PAK4: variants seen among roughly 807,000 people sequenced by gnomAD.
PAK4 encodes serine/threonine-protein kinase PAK 4.
A neutral mutation model predicts 53.5 loss-of-function variants in PAK4; 49 were observed. The ratio of observed to expected loss-of-function variants is 0.92; its 90% CI spans 0.73 to 1.16. PAK4 has a LOEUF of 1.16. PAK4 is among the 50% of genes most tolerant of loss of function. PAK4 has a pLI of 0.00. For missense variants in PAK4, 824 were observed against 850.7 expected, an observed-to-expected ratio of 0.97 and a Z score of 0.39; for synonymous variants, 376 against 375.6, an observed-to-expected ratio of 1.00 and a Z score of -0.01.
At chr19:39,133,720 C>T (rs998167348) in intron 1 of PAK4, among the ~76,000 whole-genome samples, 10 of 152,308 alleles carry the variant, frequency 6.6e-5, no homozygotes, top group South Asian at 2.1e-4. Flanking sequence ...GAGAGCTCCC[C>T]GTCCCAGACC....
chr19:39,170,968 G>T (rs2074467634), intron 2 of PAK4, among the ~76,000 whole-genome samples: 1 of 152,230 alleles, frequency 6.6e-6, no homozygotes, highest in Admixed American at 6.5e-5. Context: ...TCCACGCCCT[G>T]CCTGGCTCTG....
chr19:39,160,176 C>T (rs2074260965), intron 1 of PAK4, among the ~76,000 whole-genome samples: 1 of 152,214 alleles, frequency 6.6e-6, no homozygotes, highest in Non-Finnish European at 1.5e-5. Flanking sequence ...GCGTCAAGGT[C>T]AGACTTCCAG....
intron 1 of PAK4, among the ~76,000 whole-genome samples, chr19:39,131,951 C>A (rs1262795825): frequency 6.6e-6 from 1 of 152,190 alleles, no homozygotes; most frequent in African/African-American, 2.4e-5. Context: ...TCGTGCTTAG[C>A]CCGATGCTCA....
chr19:39,181,986 C>T (rs551584792), downstream of PAK4: 1 of 152,350 alleles, frequency 6.6e-6, no homozygotes, highest in East Asian at 1.9e-4. Context: ...CTGTGTGCCA[C>T]CCCAGCTGCA....
Position 39,178,405 on chromosome 19 carries a change from C to A in PAK4, c.1621-19C>A. 1.9e-6 allele frequency: 3 copies of A among 1,569,572 alleles called. No homozygotes were observed. The highest frequency in any genetic ancestry group is 4.8e-5 in the East Asian group (2 of 42,082). On this transcript the variant is annotated intron_variant, in intron 8 of 8. Transcript: ENST00000358301. This position sits in a 1 kb window ranked among gnomAD's most constrained non-coding sequence, Gnocchi z 4.4. Reference sequence around the variant, plus strand: ...CAGTGGGGAGCCTCGCCCCCTGACCCTCCCCTCCTTCTCGACAGGTGTCGC... The same window carrying A: ...CAGTGGGGAGCCTCGCCCCCTGACCATCCCCTCCTTCTCGACAGGTGTCGC...
In PAK4 at chr19:39,178,671, G is replaced by A; in HGVS notation, c.*92G>A. ...GGGGCCAGGCCTCCCACTCCTCCCA[G>A]CCCGGGAGATGCTCCGCGTGGCACC... On this transcript the variant is annotated 3_prime_UTR_variant, in exon 9 of 9. Transcript: ENST00000358301. This position sits in a 1 kb window ranked among gnomAD's most constrained non-coding sequence, Gnocchi z 4.4. 2.5e-6 allele frequency: 3 copies of A among 1,197,034 alleles called. No homozygotes were observed. 74.2% of individuals were successfully genotyped at this position (1,197,034 alleles called of 1,614,324 possible).
chr19:39,135,906 C>T (rs917208954), intron 1 of PAK4, among the ~76,000 whole-genome samples: 5 of 151,662 alleles, frequency 3.3e-5, no homozygotes, highest in Non-Finnish European at 7.4e-5. Flanking sequence ...CTTGCCCCCC[C>T]GCCACATCCA....
chr19:39,169,465 G>A, intron 1 of PAK4, 67 bp from the exon 3 acceptor site: 1 of 1,165,188 alleles, frequency 8.6e-7, no homozygotes, highest in South Asian at 1.3e-5. Context: ...GGGAGGGACA[G>A]AGCAGGGGCA....
chr19:39,171,575 G>A (rs1193629332), intron 2 of PAK4, among the ~76,000 whole-genome samples: 2 of 152,210 alleles, frequency 1.3e-5, no homozygotes, highest in Non-Finnish European at 2.9e-5. Flanking sequence ...GGCAAGGCCC[G>A]GCTTCAGGCA....
intron 1 of PAK4, among the ~76,000 whole-genome samples, chr19:39,150,734 AAATT>A (rs1051354473): frequency 1.3e-5 from 2 of 152,104 alleles, no homozygotes; most frequent in Non-Finnish European, 2.9e-5. Flanking sequence ...TAAAAAAAAT[AAATT>A]AATAAAAATT....
At chr19:39,164,490 C>T (rs1255288995) in intron 1 of PAK4, among the ~76,000 whole-genome samples, 1 of 152,124 alleles carries the variant, frequency 6.6e-6, no homozygotes, top group Non-Finnish European at 1.5e-5. Context: ...TGCAAAGGCC[C>T]TGAGGTGGAA....
chr19:39,144,466 T>C (rs1191749441), intron 1 of PAK4, among the ~76,000 whole-genome samples: 5 of 152,336 alleles, frequency 3.3e-5, no homozygotes, highest in Admixed American at 6.5e-5. Context: ...GGGGGATGCT[T>C]GACCCAAATC....
intron 1 of PAK4, among the ~76,000 whole-genome samples, chr19:39,131,954 G>A (rs113704755): frequency 5.2e-4 from 79 of 152,292 alleles, no homozygotes; most frequent in African/African-American, 1.7e-3. Flanking sequence ...TGCTTAGCCC[G>A]ATGCTCAGCA....
At chr19:39,151,058 GGA>G (rs1209177406) in intron 1 of PAK4, among the ~76,000 whole-genome samples, 3 of 152,228 alleles carry the variant, frequency 2.0e-5, no homozygotes, top group African/African-American at 7.2e-5. Context: ...GGTTGGGGGC[GGA>G]GAGTGTGCAA....
At chr19:39,130,079 C>A (rs1568494132) in intron 1 of PAK4, among the ~76,000 whole-genome samples, 4 of 137,930 alleles carry the variant, frequency 2.9e-5, no homozygotes, top group Admixed American at 7.7e-5. Context: ...AGGCGAGGGT[C>A]AGGGCGGGAT....
downstream of PAK4, chr19:39,181,607 T>G (rs904563481): frequency 2.0e-5 from 3 of 152,334 alleles, no homozygotes; most frequent in Non-Finnish European, 4.4e-5. Flanking sequence ...CCCAGGAGCC[T>G]CCTCCTGGCA....
At chr19:39,176,222 CG>C (rs2074601828) in intron 6 of PAK4, among the ~76,000 whole-genome samples, 1 of 152,218 alleles carries the variant, frequency 6.6e-6, no homozygotes. Flanking sequence ...CTGCTCCAAC[CG>C]AACTAAAGAC....
chr19:39,168,265 T>A (rs1248108938), intron 1 of PAK4: 1 of 152,254 alleles, frequency 6.6e-6, no homozygotes, highest in Non-Finnish European at 1.5e-5. Flanking sequence ...AGTGGTCACC[T>A]GCCTGAGGGC....
chr19:39,165,542 A>G (rs2074360135), intron 1 of PAK4, among the ~76,000 whole-genome samples: 1 of 134,574 alleles, frequency 7.4e-6, no homozygotes, highest in Admixed American at 7.5e-5. Flanking sequence ...AAATAAATAA[A>G]TAAATAAATA....
Sources: allele counts gnomAD v4.1 joint callset (sites outside exome capture counted in the v4.1 genomes callset), GRCh38; gene constraint gnomAD v4.1.1; non-coding constraint Gnocchi (gnomAD v3.1); transcripts MANE v1.5; gene names NCBI Gene and HGNC (gene_info 2026-07-23, HGNC 2026-07-21).